The following RNF212 variants were observed in gnomAD, a reference collection of about 807,000 sequenced individuals.
RNF212 encodes probable E3 SUMO-protein ligase RNF212.
A neutral mutation model predicts 34.7 loss-of-function variants in RNF212; 33 were observed. That is an observed-to-expected ratio of 0.95 (90% CI 0.72 to 1.27). RNF212 has a LOEUF of 1.27. Among genes scored for constraint, RNF212 ranks in the 50% most tolerant of loss-of-function variants. RNF212 has a pLI of 0.00. For synonymous variants in RNF212, 140 were observed against 136.1 expected (o/e 1.03, Z -0.20); for missense variants, 377 against 362.2 (o/e 1.04, Z -0.33).
chr4:1,063,813 G>T (rs551888883), intron 3 of RNF212, among the ~76,000 whole-genome samples: 3 of 151,764 alleles, frequency 2.0e-5, no homozygotes, highest in Non-Finnish European at 4.4e-5. Context: ...GGTCCAGGCT[G>T]CAGTGAGCCA....
intron 8 of RNF212, among the ~76,000 whole-genome samples, chr4:1,076,416 C>T (rs1441422270): frequency 3.9e-5 from 6 of 152,348 alleles, no homozygotes; most frequent in Middle Eastern, 3.4e-3. Flanking sequence ...CTCCCTCTGA[C>T]GAGCCTTTGG....
intron 3 of RNF212, among the ~76,000 whole-genome samples, chr4:1,093,125 AG>A (rs990182059): frequency 8.3e-4 from 127 of 152,304 alleles, no homozygotes; most frequent in African/African-American, 3.0e-3. Flanking sequence ...GGACCAGGGC[AG>A]GCAGTGGCTG....
downstream of RNF212, among the ~76,000 whole-genome samples, chr4:1,069,547 C>T (rs558522148): frequency 2.6e-5 from 4 of 152,048 alleles, no homozygotes; most frequent in African/African-American, 7.2e-5. Flanking sequence ...AGGAATCAGG[C>T]GACCAAGGTG....
Position 1,113,395 on chromosome 4 carries a change from T to C in RNF212, c.70A>G (p.Asn24Asp). ...PHRTSCFSLTNCGHVYCDACL... is the reference protein window; with the variant it reads ...PHRTSCFSLTDCGHVYCDACL... ...GCGTCGCAGTACACGTGCCCGCAGT[T>C]GGTGAGGCTGAAGCACGACGTCCTG... is the stretch of plus-strand genomic sequence containing the variant. The change falls in exon 1 of 10, where the codon AAC (asparagine) becomes GAC (aspartate). Residue 24 changes from asparagine (N) to aspartate (D), a missense_variant. Transcript: ENST00000433731. The C allele has an allele frequency of 6.2e-7, 1 of 1,602,742 alleles. No homozygotes were observed. The highest frequency in any genetic ancestry group is 1.7e-5 in the Admixed American group (1 of 59,040).
chr4:1,056,790 C>T lies in RNF212; in HGVS notation n.221-287G>A, dbSNP rs74506216. 1.9e-4 allele frequency: 180 copies of T among 944,670 alleles called. No homozygotes were observed. The African/African-American group carries it at 2.9e-3, about 15-fold the overall frequency. 58.5% of individuals were successfully genotyped at this position (944,670 alleles called of 1,614,324 possible). On this transcript the variant is annotated intron_variant and non_coding_transcript_variant, in intron 4 of 4. Coordinates refer to the RNF212 transcript ENST00000503206. Reference sequence around the variant, plus strand: ...CTCAGTTAAAGAGCTTCTTTACACACGCACTTTCCCAAGAGCATTTTCTTC... The same window carrying T: ...CTCAGTTAAAGAGCTTCTTTACACATGCACTTTCCCAAGAGCATTTTCTTC...
chr4:1,094,953 T>C (rs1722811260), intron 3 of RNF212, among the ~76,000 whole-genome samples: 1 of 152,172 alleles, frequency 6.6e-6, no homozygotes, highest in South Asian at 2.1e-4. Context: ...TGTTTCACCA[T>C]TAAGAAAGTA....
intron 1 of RNF212, among the ~76,000 whole-genome samples, chr4:1,111,885 A>G (rs572179180): frequency 6.6e-6 from 1 of 152,324 alleles, no homozygotes; most frequent in Admixed American, 6.5e-5. Context: ...GTATCCATAC[A>G]ATGGAACACC....
At chr4:1,076,964 G>A (rs567568804) in intron 8 of RNF212, among the ~76,000 whole-genome samples, 1 of 152,308 alleles carries the variant, frequency 6.6e-6, no homozygotes, top group African/African-American at 2.4e-5. Context: ...ATGTGTGCTG[G>A]CCAGGCTGTA....
At chr4:1,073,950 GA>G (rs201164859) in intron 8 of RNF212, among the ~76,000 whole-genome samples, 9 of 151,456 alleles carry the variant, frequency 5.9e-5, no homozygotes, top group Non-Finnish European at 1.2e-4. Flanking sequence ...AATTTTAGGT[GA>G]AAAAAAACAA....
At chr4:1,064,896 T>C (rs1486242169) in intron 3 of RNF212, among the ~76,000 whole-genome samples, 1 of 152,188 alleles carries the variant, frequency 6.6e-6, no homozygotes, top group African/African-American at 2.4e-5. Flanking sequence ...TCACACAGCA[T>C]TTGTGTTTCT....
At chr4:1,105,264 G>A (rs1211643730) in intron 2 of RNF212, among the ~76,000 whole-genome samples, 2 of 151,230 alleles carry the variant, frequency 1.3e-5, no homozygotes, top group Non-Finnish European at 2.9e-5. Flanking sequence ...AGATGCAGGG[G>A]GAGCACAGCT....
In RNF212 at chr4:1,071,714, A is replaced by AC. The variant is rs1434044138; in HGVS notation, c.*1159dup. ...TGTTATCAATGAAATGCAAAATAAA[A>AC]CAGCAAGATACCACTACATACCTAT... On this transcript the variant is annotated 3_prime_UTR_variant, in exon 10 of 10. Coordinates refer to ENST00000433731, the MANE Select transcript of RNF212 (RefSeq NM_001131034.4). 1 of 152,262 alleles carries AC rather than the reference A, an allele frequency of 6.6e-6. No individual in the cohort carries two copies. Among genetic ancestry groups the AC allele is most frequent in the Non-Finnish European group, 1.5e-5 (1 of 68,054 alleles). The allele number at this position is 152,262 out of a possible 1,614,324, so 9.4% of individuals were successfully genotyped here.
At chr4:1,097,315 G>A (rs995603245) in intron 2 of RNF212, among the ~76,000 whole-genome samples, 1 of 152,172 alleles carries the variant, frequency 6.6e-6, no homozygotes, top group African/African-American at 2.4e-5. Context: ...AAGAAACAGC[G>A]TCTCGTAGGT....
intron 2 of RNF212, among the ~76,000 whole-genome samples, chr4:1,103,391 T>C (rs1724330373): frequency 6.6e-6 from 1 of 152,222 alleles, no homozygotes. Context: ...CAACTTGTTT[T>C]ATGAAACCAG....
At chr4:1,106,249 T>TACAC (rs35166968) in intron 2 of RNF212, among the ~76,000 whole-genome samples, 3,440 of 146,000 alleles carry the variant, frequency 0.024, 57 homozygotes, top group East Asian at 0.082. Context: ...CAATTTTACT[T>TACAC]ACACACACAC....
intron 2 of RNF212, among the ~76,000 whole-genome samples, chr4:1,106,001 G>C (rs1724757859): frequency 6.6e-6 from 1 of 152,226 alleles, no homozygotes; most frequent in Non-Finnish European, 1.5e-5. Flanking sequence ...TACATGCATG[G>C]GGGACTTTGG....
At chr4:1,104,026 T>A (rs1344008323) in intron 2 of RNF212, among the ~76,000 whole-genome samples, 1 of 152,232 alleles carries the variant, frequency 6.6e-6, no homozygotes, top group Admixed American at 6.5e-5. Context: ...TTCTGCAAGG[T>A]CACTAGAGAC....
At chr4:1,093,852 A>T in intron 3 of RNF212, 1 of 1,535,886 alleles carries the variant, frequency 6.5e-7, no homozygotes, top group Non-Finnish European at 8.7e-7. Context: ...TGGCTCTGGG[A>T]CCGCCGGCAT....
chr4:1,067,310 T>C (rs1718155835), downstream of RNF212, among the ~76,000 whole-genome samples: 1 of 152,006 alleles, frequency 6.6e-6, no homozygotes, highest in Non-Finnish European at 1.5e-5. Context: ...TCCTGTCATA[T>C]ATAAAACAAA....
Sources: allele counts gnomAD v4.1 joint callset (sites outside exome capture counted in the v4.1 genomes callset), GRCh38; gene constraint gnomAD v4.1.1; transcripts MANE v1.5; gene names NCBI Gene and HGNC (gene_info 2026-07-23, HGNC 2026-07-21).